GPD1L: variants seen among roughly 807,000 people sequenced by gnomAD.
GPD1L encodes glycerol-3-phosphate dehydrogenase 1-like protein.
GPD1L carries 17 observed loss-of-function variants against 32.9 expected under a neutral mutation model. That is an observed-to-expected ratio of 0.52 (90% CI 0.35 to 0.78). GPD1L has a LOEUF of 0.78. GPD1L is among the 30% of genes least tolerant of loss of function. The pLI is 0.01. For missense variants in GPD1L, 361 were observed against 447.8 expected (o/e 0.81, Z 1.75); for synonymous variants, 187 against 165.9 (o/e 1.13, Z -0.98).
intron 5 of GPD1L, among the ~76,000 whole-genome samples, chr3:32,156,932 G>A (rs748559668): frequency 3.2e-5 from 4 of 124,554 alleles, no homozygotes; most frequent in Non-Finnish European, 4.9e-5. Context: ...AATCTCCCAC[G>A]GCTCTCTGTA....
chr3:32,112,663 G>A (rs1207436636), intron 1 of GPD1L, among the ~76,000 whole-genome samples: 2 of 151,988 alleles, frequency 1.3e-5, no homozygotes, highest in African/African-American at 2.4e-5. Context: ...ATATAATAAT[G>A]ACTACTATTC....
intron 1 of GPD1L, among the ~76,000 whole-genome samples, chr3:32,108,864 T>C (rs1700204008): frequency 1.3e-5 from 2 of 152,296 alleles, no homozygotes; most frequent in South Asian, 4.1e-4. Context: ...TATTACTATT[T>C]TTTTAGACGG....
At chr3:32,126,918 G>T (rs1446802624) in intron 1 of GPD1L, among the ~76,000 whole-genome samples, 1 of 152,192 alleles carries the variant, frequency 6.6e-6, no homozygotes, top group African/African-American at 2.4e-5. Flanking sequence ...TGCAGCCAAA[G>T]TTGAGAACCA....
chr3:32,136,156 T>C (rs1426508561), intron 2 of GPD1L, among the ~76,000 whole-genome samples: 1 of 152,204 alleles, frequency 6.6e-6, no homozygotes, highest in Non-Finnish European at 1.5e-5. Context: ...TCTGTTCCCC[T>C]GCTTTGCCAT....
At chr3:32,155,971 C>T (rs1575121366) in intron 5 of GPD1L, among the ~76,000 whole-genome samples, 1 of 152,136 alleles carries the variant, frequency 6.6e-6, no homozygotes. Flanking sequence ...GCGTCCAGAC[C>T]TAGGTGGGCC....
chr3:32,132,777 A>G (rs996543746), intron 2 of GPD1L, among the ~76,000 whole-genome samples: 1 of 152,000 alleles, frequency 6.6e-6, no homozygotes, highest in African/African-American at 2.4e-5. Context: ...TGCTTTGGGA[A>G]CCATGGGGGT....
At position 32,166,004 on chromosome 3, in the gene GPD1L, C is replaced by T. The variant is rs1701141671; in HGVS notation, c.*94C>T. On this transcript the variant is annotated 3_prime_UTR_variant, in exon 8 of 8. Transcript: ENST00000282541. The stretch of plus-strand genomic sequence containing the variant: ...CAGGACTTGGCAACATGATGTTTGA[C>T]TGTAATCTCATCACGGATATGTATG... The T allele has an allele frequency of 1.0e-5, 8 of 769,620 alleles. No homozygotes were observed. Among genetic ancestry groups the T allele is most frequent in the Non-Finnish European group, 1.2e-5 (5 of 420,590 alleles). The allele number at this position is 769,620 out of a possible 1,614,324, so 47.7% of individuals were successfully genotyped here.
rs188054983 is a variant in GPD1L, at chr3:32,141,180, G to C, written c.505+814G>C. On this transcript the variant is annotated intron_variant, in intron 4 of 7. Coordinates refer to ENST00000282541, the MANE Select transcript of GPD1L (RefSeq NM_015141.4). ...AAAAGGAAGCTCTGAGAGATGTCAGGCTCTCTTGCATGAGATGAATGCGCA... is the reference window on the plus strand; with the variant it reads ...AAAAGGAAGCTCTGAGAGATGTCAGCCTCTCTTGCATGAGATGAATGCGCA... 9.9e-5 allele frequency among the ~76,000 whole-genome samples: 15 copies of C among 152,260 alleles called. No individual in the cohort carries two copies. The East Asian group carries it at 2.7e-3, about 27-fold the overall frequency.
At chr3:32,141,237 C>G (rs1378005567) in intron 4 of GPD1L, among the ~76,000 whole-genome samples, 2 of 152,068 alleles carry the variant, frequency 1.3e-5, no homozygotes, top group Non-Finnish European at 2.9e-5. Context: ...TTATACCTGC[C>G]TATACGTAGG....
rs564655435 is a variant in GPD1L at position 32,167,238 on chromosome 3, C to G, written c.*1328C>G. The G allele has an allele frequency of 5.3e-5, 8 of 152,242 alleles. No homozygotes were observed. In the East Asian group the frequency reaches 1.5e-3, roughly 29 times the overall value. 9.4% of individuals were successfully genotyped at this position (152,242 alleles called of 1,614,324 possible). On this transcript the variant is annotated 3_prime_UTR_variant, in exon 8 of 8. Coordinates refer to ENST00000282541, the MANE Select transcript of GPD1L (RefSeq NM_015141.4). Reference sequence around the variant, plus strand: ...TCTGGGAAACACTATGTCTGTACACCTCTTGAAGGTGTCGAATGTATGTTT... The same window carrying G: ...TCTGGGAAACACTATGTCTGTACACGTCTTGAAGGTGTCGAATGTATGTTT...
rs1559570469 is a variant in GPD1L at position 32,121,517 on chromosome 3, CTCTCTA to C, written c.48-6557_48-6552del. 2.8e-4 allele frequency among the ~76,000 whole-genome samples: 20 copies of C among 71,510 alleles called. 2 individuals carry two copies. The highest frequency in any genetic ancestry group is 5.6e-4 in the African/African-American group (6 of 10,752). 46.9% of individuals were successfully genotyped at this position (71,510 alleles called of 152,430 possible). ...TATATATTTCTCTCTATATATATTT[CTCTCTA>C]TATATATTTCTATGTATATATTTCT... On this transcript the variant is annotated intron_variant, in intron 1 of 7. Transcript: ENST00000282541.
intron 3 of GPD1L, 70 bp downstream of exon 3, chr3:32,138,797 T>C (rs1700701578): frequency 1.3e-6 from 2 of 1,497,394 alleles, no homozygotes; most frequent in Admixed American, 3.4e-5. Flanking sequence ...CACACTTTCA[T>C]CTGCTTGAGA....
At chr3:32,126,975 A>C (rs578014414) in intron 1 of GPD1L, among the ~76,000 whole-genome samples, 2 of 152,180 alleles carry the variant, frequency 1.3e-5, no homozygotes, top group Admixed American at 6.5e-5. Context: ...CAATATTTAT[A>C]ATCTGTTAGA....
Position 32,166,121 on chromosome 3 carries a change from T to C in GPD1L, c.*211T>C. The stretch of plus-strand genomic sequence containing the variant: ...CTAAACACACATGCAAACATGTGAA[T>C]GGTGGTTTATTCCTCATTCTGTGGA... On this transcript the variant is annotated 3_prime_UTR_variant, in exon 8 of 8. Transcript: ENST00000282541. The C allele has an allele frequency of 1.7e-6, 1 of 597,662 alleles. No individual in the cohort carries two copies. Among genetic ancestry groups the C allele is most frequent in the East Asian group, 2.9e-5 (1 of 34,818 alleles). The allele number at this position is 597,662 out of a possible 1,614,324, so 37.0% of individuals were successfully genotyped here. A position where few individuals can be genotyped will look rare whatever the true frequency, so the allele number is the denominator to read the frequency against.
intron 5 of GPD1L, 37 bp downstream of exon 5, chr3:32,146,771 G>A (rs1450854225): frequency 8.5e-7 from 1 of 1,181,548 alleles, no homozygotes; most frequent in Admixed American, 1.7e-5. Context: ...CATCAAGCAA[G>A]GCAAATGTTA....
intron 1 of GPD1L, among the ~76,000 whole-genome samples, chr3:32,126,467 C>T (rs375580310): frequency 2.6e-5 from 4 of 152,172 alleles, no homozygotes; most frequent in African/African-American, 9.7e-5. Context: ...TTCTCTATGA[C>T]CTTGTGAAAG....
In GPD1L at chr3:32,143,234, A is replaced by G. The variant is rs1343883056; in HGVS notation, c.505+2868A>G. On this transcript the variant is annotated intron_variant, in intron 4 of 7. Transcript: ENST00000282541. ...ATTTAAGTAAAACATTGAAAGTAAG[A>G]TAGAATATGAAAGTGATGTTTAAAA... Among the ~76,000 whole-genome samples the G allele has an allele frequency of 4.6e-5, 7 of 152,046 alleles. 1 individual carries two copies. Among genetic ancestry groups the G allele is most frequent in the Non-Finnish European group, 8.8e-5 (6 of 68,012 alleles).
At chr3:32,150,187 T>C (rs1559580215) in intron 5 of GPD1L, among the ~76,000 whole-genome samples, 1 of 152,212 alleles carries the variant, frequency 6.6e-6, no homozygotes, top group Non-Finnish European at 1.5e-5. Flanking sequence ...CTAGGATTTT[T>C]ATAAGTGGAA....
At chr3:32,130,101 T>C (rs1356868036) in intron 2 of GPD1L, among the ~76,000 whole-genome samples, 1 of 152,054 alleles carries the variant, frequency 6.6e-6, no homozygotes, top group Non-Finnish European at 1.5e-5. Flanking sequence ...GTGAATCTGC[T>C]GAGTGGTTCT....
Sources: allele counts gnomAD v4.1 joint callset (sites outside exome capture counted in the v4.1 genomes callset), GRCh38; gene constraint gnomAD v4.1.1; transcripts MANE v1.5; gene names NCBI Gene and HGNC (gene_info 2026-07-23, HGNC 2026-07-21).